The following ORC4 variants were observed in gnomAD, a reference collection of about 807,000 sequenced individuals.
The protein encoded by ORC4 is origin recognition complex, subunit 4 homolog.
Under a neutral mutation model 63.9 loss-of-function variants are expected in ORC4, and 55 were observed. That is an observed-to-expected ratio of 0.86 (90% CI 0.69 to 1.08). The LOEUF is 1.08. ORC4 is among the 50% of genes least tolerant of loss of function. ORC4 has a pLI of 0.00. For missense variants in ORC4, 511 were observed against 504.4 expected (o/e 1.01, Z -0.13); for synonymous variants, 150 against 168.5 (o/e 0.89, Z 0.85).
At chr2:147,939,375 T>C in intron 10 of ORC4, 127 bp from the exon 11 acceptor site, 1 of 673,078 alleles carries the variant, frequency 1.5e-6, no homozygotes, top group Non-Finnish European at 2.7e-6. Flanking sequence ...TAGGAAGGTA[T>C]TCTCAAATTC....
rs1180455152 is a variant in ORC4 at position 147,935,386 on chromosome 2, G to A, written c.*124C>T. 3 of 745,754 alleles carry A rather than the reference G, an allele frequency of 4.0e-6. No homozygotes were observed. Among genetic ancestry groups the A allele is most frequent in the African/African-American group, 3.4e-5 (2 of 58,146 alleles). 46.2% of individuals were successfully genotyped at this position (745,754 alleles called of 1,614,324 possible). The stretch of plus-strand genomic sequence containing the variant: ...CAAGACACAGCCAAGACAGTAGATG[G>A]GCAAGTCTCACATAAATACAAGAAT... On this transcript the variant is annotated 3_prime_UTR_variant, in exon 14 of 14. Transcript: ENST00000392857.
chr2:148,001,473 G>T (rs1573882507), intron 1 of ORC4, among the ~76,000 whole-genome samples: 1 of 152,100 alleles, frequency 6.6e-6, no homozygotes, highest in Admixed American at 6.5e-5. Context: ...TTAAAGAAAA[G>T]AATTTTCAAC....
intron 2 of ORC4, among the ~76,000 whole-genome samples, chr2:147,975,457 T>A (rs181274761): frequency 6.6e-6 from 1 of 150,466 alleles, no homozygotes; most frequent in African/African-American, 2.4e-5. Flanking sequence ...CCCAATCCTA[T>A]TCAACATTTT....
rs1693015676 is a variant in ORC4, at chr2:148,012,247, T to G, written c.-18+8386A>C. On this transcript the variant is annotated intron_variant, in intron 1 of 13. Coordinates refer to ENST00000392857, the MANE Select transcript of ORC4 (RefSeq NM_181741.4). The stretch of plus-strand genomic sequence containing the variant: ...TAACCAAAATAGCACGATAGTGGCA[T>G]AAAAACAGACATGTAGAACAACAGA... Among the ~76,000 whole-genome samples, 7 of 152,266 alleles carry G rather than the reference T, an allele frequency of 4.6e-5. No individual in the cohort carries two copies. In the South Asian group the frequency reaches 1.5e-3, roughly 32 times the overall value.
intron 8 of ORC4, among the ~76,000 whole-genome samples, chr2:147,950,537 G>C (rs557661234): frequency 2.6e-5 from 4 of 151,978 alleles, no homozygotes; most frequent in Non-Finnish European, 5.9e-5. Context: ...GAGGCCAAGG[G>C]GGGTAGATCA....
intron 1 of ORC4, among the ~76,000 whole-genome samples, chr2:148,019,523 CAG>C (rs1693546551): frequency 6.6e-6 from 1 of 152,176 alleles, no homozygotes; most frequent in South Asian, 2.1e-4. Context: ...ACCCAGGAGA[CAG>C]AGGTTGCAGT....
intron 4 of ORC4, among the ~76,000 whole-genome samples, chr2:147,962,150 T>C (rs960352062): frequency 6.6e-6 from 1 of 152,064 alleles, no homozygotes; most frequent in Non-Finnish European, 1.5e-5. Context: ...CGATCAAATC[T>C]TCCCGTAGTC....
chr2:147,997,749 A>G (rs1347772050), intron 1 of ORC4, among the ~76,000 whole-genome samples: 1 of 152,152 alleles, frequency 6.6e-6, no homozygotes, highest in East Asian at 1.9e-4. Flanking sequence ...TCATTTTTTA[A>G]TCACTTTTAT....
chr2:147,933,747 A>C lies in ORC4; in HGVS notation c.*1763T>G, dbSNP rs1335857131. On this transcript the variant is annotated 3_prime_UTR_variant, in exon 14 of 14. Transcript: ENST00000392857. ...GCATAAGTGTAAAATTCTTGCTTCT[A>C]GTATATAATAGTGATGTTACCATGT... The C allele has an allele frequency of 1.3e-5, 2 of 152,132 alleles. No homozygotes were observed. Among genetic ancestry groups the C allele is most frequent in the Non-Finnish European group, 2.9e-5 (2 of 68,016 alleles). 9.4% of individuals were successfully genotyped at this position (152,132 alleles called of 1,614,324 possible). A position where few individuals can be genotyped will look rare whatever the true frequency, so the allele number is the denominator to read the frequency against.
At chr2:147,944,798 G>A (rs1212349935) in intron 9 of ORC4, among the ~76,000 whole-genome samples, 1 of 151,480 alleles carries the variant, frequency 6.6e-6, no homozygotes, top group Non-Finnish European at 1.5e-5. Context: ...AGATTCAGAA[G>A]TAAGTTCTAG....
chr2:147,943,566 T>G, intron 9 of ORC4, 44 bp from the exon 10 acceptor site: 1 of 1,186,986 alleles, frequency 8.4e-7, no homozygotes, highest in Non-Finnish European at 1.2e-6. Context: ...AGGAAAGATG[T>G]AGTTTAAAAC....
At position 147,943,348 on chromosome 2, in the gene ORC4, C is replaced by A. The variant is rs577473504; in HGVS notation, c.849+88G>T. ...GGAGGATGGCTTAAGGCCAGGAGTT[C>A]GCAACCAGTCTGAGCAACAAAGTGA... On this transcript the variant is annotated intron_variant, in intron 10 of 13. Coordinates refer to ENST00000392857, the MANE Select transcript of ORC4 (RefSeq NM_181741.4). 1.1e-5 allele frequency: 9 copies of A among 855,006 alleles called. 1 individual carries two copies. In the South Asian group the frequency reaches 1.1e-4, roughly 11 times the overall value. The allele number at this position is 855,006 out of a possible 1,614,324, so 53.0% of individuals were successfully genotyped here.
At chr2:147,935,799 C>T (rs1200421015) in intron 13 of ORC4, 101 bp from the exon 14 acceptor site, 7 of 996,176 alleles carry the variant, frequency 7.0e-6, no homozygotes, top group Non-Finnish European at 1.1e-5. Context: ...AGCTGCAGAA[C>T]AGAGTACTGG....
intron 1 of ORC4, among the ~76,000 whole-genome samples, chr2:148,000,483 T>C (rs529473300): frequency 1.1e-4 from 17 of 152,166 alleles, no homozygotes; most frequent in African/African-American, 4.1e-4. Flanking sequence ...AAACTAATAG[T>C]TGGGGTAAAA....
rs1394957285 is a variant in ORC4, at chr2:147,935,167, GGTTTA to G, written c.*338_*342del. The G allele has an allele frequency of 4.0e-6, 1 of 250,344 alleles. No individual in the cohort carries two copies. The highest frequency in any genetic ancestry group is 2.3e-5 in the African/African-American group (1 of 44,132). The allele number at this position is 250,344 out of a possible 1,614,324, so 15.5% of individuals were successfully genotyped here. A position where few individuals can be genotyped will look rare whatever the true frequency, so the allele number is the denominator to read the frequency against. ...TTACCATTGTTTTTTTTACTCCTTT[GGTTTA>G]AGGTTTGTAAAGACATCTAGCTGTT... is the stretch of plus-strand genomic sequence containing the variant. On this transcript the variant is annotated 3_prime_UTR_variant, in exon 14 of 14. Coordinates refer to ENST00000392857, the MANE Select transcript of ORC4 (RefSeq NM_181741.4).
chr2:147,999,649 T>C (rs544647635), intron 1 of ORC4, among the ~76,000 whole-genome samples: 2 of 152,258 alleles, frequency 1.3e-5, no homozygotes, highest in South Asian at 4.1e-4. Context: ...AGAACTCTTC[T>C]TATTAGACTC....
intron 2 of ORC4, among the ~76,000 whole-genome samples, chr2:147,973,790 T>G (rs753464059): frequency 2.6e-5 from 4 of 152,156 alleles, no homozygotes; most frequent in Non-Finnish European, 4.4e-5. Context: ...TTAGCTATAT[T>G]AGCAACTTAA....
intron 1 of ORC4, among the ~76,000 whole-genome samples, chr2:148,020,300 T>G (rs1693620399): frequency 1.3e-5 from 2 of 152,206 alleles, no homozygotes; most frequent in African/African-American, 2.4e-5. Flanking sequence ...CCTGCAGTCA[T>G]GAGGGTCAAT....
chr2:148,000,988 A>T (rs1692265711), intron 1 of ORC4, among the ~76,000 whole-genome samples: 1 of 152,098 alleles, frequency 6.6e-6, no homozygotes, highest in East Asian at 1.9e-4. Context: ...TTATTTAGAG[A>T]TACAGAAGTA....
Sources: allele counts gnomAD v4.1 joint callset (sites outside exome capture counted in the v4.1 genomes callset), GRCh38; gene constraint gnomAD v4.1.1; transcripts MANE v1.5; gene names NCBI Gene and HGNC (gene_info 2026-07-23, HGNC 2026-07-21).